Variants in PTK2 observed in about 807,000 individuals in gnomAD.
PTK2 encodes protein tyrosine kinase 2.
In PTK2, 45 loss-of-function variants were observed where a neutral mutation model predicts 150.1. The ratio of observed to expected loss-of-function variants is 0.30; its 90% CI spans 0.24 to 0.38. PTK2 has a LOEUF of 0.38. Ranked by LOEUF, PTK2 falls within the 10% of genes least tolerant of loss-of-function variation. The pLI, the probability that PTK2 is intolerant of heterozygous loss-of-function variation, is 1.00. For synonymous variants in PTK2, 432 were observed against 449.2 expected, an observed-to-expected ratio of 0.96 and a Z score of 0.48; for missense variants, 919 against 1,307.3, an observed-to-expected ratio of 0.70 and a Z score of 4.58.
intron 1 of PTK2, among the ~76,000 whole-genome samples, chr8:140,927,951 AAAAAAAG>A (rs1569052946): frequency 6.0e-5 from 5 of 83,468 alleles, no homozygotes; most frequent in East Asian, 3.5e-4. Context: ...AAAAAAAAAA[AAAAAAAG>A]AAAAAAAAAA....
chr8:140,808,647 AC>A (rs2154600907), intron 10 of PTK2, among the ~76,000 whole-genome samples: 1 of 152,028 alleles, frequency 6.6e-6, no homozygotes, highest in Admixed American at 6.6e-5. Flanking sequence ...ATGAGATAAA[AC>A]CCCAGGGCTA....
At chr8:140,853,652 C>G (rs1034819196) in intron 5 of PTK2, among the ~76,000 whole-genome samples, 3 of 152,076 alleles carry the variant, frequency 2.0e-5, no homozygotes, top group African/African-American at 7.2e-5. Context: ...AGTAAACACA[C>G]GTGTGCATGA....
At chr8:140,986,540 T>C (rs937173161) in intron 1 of PTK2, among the ~76,000 whole-genome samples, 1 of 152,216 alleles carries the variant, frequency 6.6e-6, no homozygotes, top group Non-Finnish European at 1.5e-5. Context: ...TTGCCAATTC[T>C]GAAAAGTCTC....
intron 10 of PTK2, among the ~76,000 whole-genome samples, chr8:140,806,456 G>C (rs1379503808): frequency 6.6e-6 from 1 of 151,944 alleles, no homozygotes; most frequent in Non-Finnish European, 1.5e-5. Context: ...TCATTATGTT[G>C]GTGGTGACAC....
In PTK2 at chr8:140,738,584, T is replaced by A. The variant is rs1454267280; in HGVS notation, c.1825+434A>T. 3.3e-5 allele frequency among the ~76,000 whole-genome samples: 5 copies of A among 152,246 alleles called. No homozygotes were observed. The East Asian group carries it at 9.6e-4, about 29-fold the overall frequency. On this transcript the variant is annotated intron_variant, in intron 21 of 31. Transcript: ENST00000522684. ...TCTTGAGATAGGTCAGGAAGGAGGCTGGACTCCAGAATAAAGAGACAAGGT... is the reference window on the plus strand; with the variant it reads ...TCTTGAGATAGGTCAGGAAGGAGGCAGGACTCCAGAATAAAGAGACAAGGT...
intron 12 of PTK2, among the ~76,000 whole-genome samples, 167 bp from the exon 13 acceptor site, chr8:140,793,551 ATATT>A (rs941196042): frequency 1.3e-5 from 2 of 152,222 alleles, no homozygotes; most frequent in Non-Finnish European, 2.9e-5. Context: ...TTTATTTTCA[ATATT>A]TATAACAAAC....
At position 140,762,392 on chromosome 8, in the gene PTK2, T is replaced by TA; in HGVS notation, c.1235-1131dup. 8.6e-7 allele frequency: 1 copy of TA among 1,159,784 alleles called. No individual in the cohort carries two copies. 71.8% of individuals were successfully genotyped at this position (1,159,784 alleles called of 1,614,324 possible). On this transcript the variant is annotated intron_variant, in intron 15 of 31. Coordinates refer to ENST00000522684, the Ensembl canonical transcript of PTK2. ...CCTTCATCTATTCCATAGCTTTCTG[T>TA]ATTGCAATTAAGAGAGAAAAAAATT...
chr8:140,953,354 C>T (rs1569453148), intron 1 of PTK2, among the ~76,000 whole-genome samples: 1 of 152,040 alleles, frequency 6.6e-6, no homozygotes, highest in Non-Finnish European at 1.5e-5. Flanking sequence ...AACAATATGC[C>T]AGCATCACTA....
At chr8:140,884,512 C>A (rs1277833609) in intron 3 of PTK2, among the ~76,000 whole-genome samples, 1 of 152,148 alleles carries the variant, frequency 6.6e-6, no homozygotes. Flanking sequence ...CATACATTCA[C>A]CTGCTCCTCT....
chr8:140,777,089 C>G (rs2154564692), intron 14 of PTK2, among the ~76,000 whole-genome samples: 1 of 152,330 alleles, frequency 6.6e-6, no homozygotes, highest in East Asian at 1.9e-4. Flanking sequence ...CTAATGAAAC[C>G]AGAGCTAACC....
intron 7 of PTK2, among the ~76,000 whole-genome samples, chr8:140,841,917 T>A (rs994072439): frequency 1.1e-4 from 17 of 151,622 alleles, no homozygotes; most frequent in African/African-American, 3.6e-4. Flanking sequence ...CTTACATTGT[T>A]ATTAACCTGA....
At chr8:140,858,638 T>C (rs1472506463) in intron 5 of PTK2, among the ~76,000 whole-genome samples, 1 of 151,892 alleles carries the variant, frequency 6.6e-6, no homozygotes, top group South Asian at 2.1e-4. Flanking sequence ...TGACAGAAAA[T>C]GCCTACCCTG....
chr8:140,927,276 G>GC (rs2100169819), intron 1 of PTK2: 1 of 152,148 alleles, frequency 6.6e-6, no homozygotes, highest in African/African-American at 2.4e-5. Context: ...ATACACACAT[G>GC]CAACTTATTT....
At chr8:140,846,568 T>C (rs2100125609) in intron 6 of PTK2, 31 bp downstream of exon 6, 1 of 1,496,276 alleles carries the variant, frequency 6.7e-7, no homozygotes, top group Admixed American at 1.8e-5. Context: ...AATTGATAAA[T>C]AAAGGCCGCA....
rs1401577161 is a variant in PTK2 at position 140,758,091 on chromosome 8, C to A, written c.1332+3074G>T. On this transcript the variant is annotated intron_variant, in intron 16 of 31. Coordinates refer to ENST00000522684, the Ensembl canonical transcript of PTK2. Reference sequence around the variant, plus strand: ...TTTAATTGTTATCTTAGAGTGTACTCCTACTTATTTATTTTTTAGAGGCAG... The same window carrying A: ...TTTAATTGTTATCTTAGAGTGTACTACTACTTATTTATTTTTTAGAGGCAG... Among the ~76,000 whole-genome samples the A allele has an allele frequency of 1.1e-4, 17 of 151,566 alleles. 1 individual carries two copies. The highest frequency in any genetic ancestry group is 9.8e-4 in the Admixed American group (15 of 15,236).
intron 23 of PTK2, among the ~76,000 whole-genome samples, chr8:140,712,049 G>T (rs943242253): frequency 3.6e-4 from 55 of 151,966 alleles, no homozygotes; most frequent in African/African-American, 1.3e-3. Flanking sequence ...TCATTTTCAG[G>T]ACCCCTTTAC....
intron 26 of PTK2, chr8:140,687,109 G>A: frequency 5.5e-6 from 1 of 181,166 alleles, no homozygotes; most frequent in South Asian, 1.3e-4. Context: ...TCAATTACAA[G>A]ACTGTTTTCC....
chr8:140,770,735 G>T, intron 14 of PTK2: 1 of 1,350,732 alleles, frequency 7.4e-7, no homozygotes, highest in South Asian at 1.2e-5. Flanking sequence ...GAGGATCATG[G>T]GAACAGAAGA....
At chr8:140,941,875 TTTTGTTTGTTTG>T (rs71810443) in intron 1 of PTK2, among the ~76,000 whole-genome samples, 1 of 149,840 alleles carries the variant, frequency 6.7e-6, no homozygotes, top group Non-Finnish European at 1.5e-5. Context: ...CCAGCTAACT[TTTTGTTTGTTTG>T]TTTGTTTGTT....
Sources: allele counts gnomAD v4.1 joint callset (sites outside exome capture counted in the v4.1 genomes callset), GRCh38; gene constraint gnomAD v4.1.1; transcripts MANE v1.5; gene names NCBI Gene and HGNC (gene_info 2026-07-23, HGNC 2026-07-21).